Variants in IPO11 observed in about 807,000 individuals in gnomAD.
IPO11 encodes the protein importin-11.
IPO11 carries 66 observed loss-of-function variants against 143.2 expected under a neutral mutation model. That is an observed-to-expected ratio of 0.46 (90% CI 0.38 to 0.57). The LOEUF is 0.57. Among genes scored for constraint, IPO11 ranks in the 20% least tolerant of loss-of-function variants. IPO11 has a pLI of 0.00. For missense variants in IPO11, 1,026 were observed against 1,141.0 expected (o/e 0.90, Z 1.45); for synonymous variants, 385 against 377.8 (o/e 1.02, Z -0.22).
At chr5:62,613,298 C>CTTTTTTTTTT (rs372608086) in intron 29 of IPO11, among the ~76,000 whole-genome samples, 1 of 69,054 alleles carries the variant, frequency 1.4e-5, no homozygotes, top group Non-Finnish European at 2.6e-5. Context: ...ACATGCTCTT[C>CTTTTTTTTTT]TTTTTTTTTT....
At chr5:62,605,004 C>A (rs1259289210) in intron 29 of IPO11, among the ~76,000 whole-genome samples, 1 of 152,076 alleles carries the variant, frequency 6.6e-6, no homozygotes, top group East Asian at 1.9e-4. Context: ...TGAGAACTAT[C>A]CAGCAATATC....
In IPO11 at chr5:62,596,268, C is replaced by CAAAAAAAAAAAAAA. The variant is rs71608515; in HGVS notation, c.2678+4598_2678+4611dup. Among the ~76,000 whole-genome samples, 202 of 95,596 alleles carry CAAAAAAAAAAAAAA rather than the reference C, an allele frequency of 2.1e-3. 3 individuals carry two copies. Among genetic ancestry groups the CAAAAAAAAAAAAAA allele is most frequent in the East Asian group, 3.1e-3 (10 of 3,274 alleles). The allele number at this position is 95,596 out of a possible 152,430, so 62.7% of individuals were successfully genotyped here. ...TGGGTGACAGACCAAGGCCCTGTCT[C>CAAAAAAAAAAAAAA]AAAAAAAAAAAAAAAGAATTTAGCC... On this transcript the variant is annotated intron_variant, in intron 28 of 29. Transcript: ENST00000325324.
chr5:62,430,037 G>A (rs1214442365), intron 1 of IPO11, among the ~76,000 whole-genome samples: 1 of 152,232 alleles, frequency 6.6e-6, no homozygotes, highest in East Asian at 1.9e-4. Flanking sequence ...GATTATAGGC[G>A]TGAGCTGCTG....
chr5:62,584,612 C>CAAAA (rs56062359), intron 27 of IPO11, among the ~76,000 whole-genome samples: 3 of 58,632 alleles, frequency 5.1e-5, no homozygotes, highest in African/African-American at 2.1e-4. Flanking sequence ...AACTGTGCCT[C>CAAAA]AAAAAAAAAA....
At position 62,578,983 on chromosome 5, in the gene IPO11, G is replaced by A. The variant is rs1415605167; in HGVS notation, c.2583-12594G>A. The A allele has an allele frequency of 2.5e-5, 6 of 235,848 alleles. 1 individual carries two copies. The highest frequency in any genetic ancestry group is 2.5e-4 in the South Asian group (5 of 20,334). 14.6% of individuals were successfully genotyped at this position (235,848 alleles called of 1,614,324 possible). On this transcript the variant is annotated intron_variant, in intron 27 of 29. Transcript: ENST00000325324. ...GAACTTCTAGCTGACATGAAAAATA[G>A]TTCTGTGAAAAACTGTAATTTAGAA...
chr5:62,510,389 T>G (rs1421903609), intron 19 of IPO11, among the ~76,000 whole-genome samples: 2 of 152,178 alleles, frequency 1.3e-5, no homozygotes, highest in East Asian at 1.9e-4. Flanking sequence ...TTTACCACAT[T>G]TGCTTTCTTT....
intron 16 of IPO11, among the ~76,000 whole-genome samples, chr5:62,497,524 A>G (rs1371977618): frequency 6.6e-6 from 1 of 152,114 alleles, no homozygotes; most frequent in Non-Finnish European, 1.5e-5. Context: ...CTAGACTGCT[A>G]TGGTGAGGTC....
At chr5:62,556,649 A>C (rs1743585231) in intron 26 of IPO11, among the ~76,000 whole-genome samples, 1 of 152,224 alleles carries the variant, frequency 6.6e-6, no homozygotes, top group African/African-American at 2.4e-5. Context: ...CAGACTGGGC[A>C]GCAGAACAGG....
At position 62,497,537 on chromosome 5, in the gene IPO11, G is replaced by A. The variant is rs1328668818; in HGVS notation, c.1590+3413G>A. Among the ~76,000 whole-genome samples the A allele has an allele frequency of 1.3e-5, 2 of 152,060 alleles. 1 individual carries two copies. On this transcript the variant is annotated intron_variant, in intron 16 of 29. Transcript: ENST00000325324. The stretch of plus-strand genomic sequence containing the variant: ...GGCTAGACTGCTATGGTGAGGTCAC[G>A]ACTCACTGCAGCCTCAACACCCGAG...
intron 26 of IPO11, among the ~76,000 whole-genome samples, chr5:62,558,804 T>C (rs1249215402): frequency 6.6e-6 from 1 of 152,190 alleles, no homozygotes; most frequent in Non-Finnish European, 1.5e-5. Context: ...GAGAGTATTA[T>C]TACATTGTAG....
Position 62,561,205 on chromosome 5 carries a change from A to G in IPO11, c.2530A>G (p.Arg844Gly). Residue 844 changes from arginine to glycine, a missense_variant, in exon 27 of 30, where the codon AGA (arginine) becomes GGA (glycine). Arg to Gly is a moderately radical substitution (Grantham distance 125). Around this residue, in one of 5 missense-constraint regions of IPO11, gnomAD observed 351 missense variants for 358.9 expected, o/e 0.98. Coordinates refer to ENST00000325324, the MANE Select transcript of IPO11 (RefSeq NM_016338.5). The part of the protein sequence containing the change: ...DRMDNITQPE[R>G]RKLSALALLS... ...AATGGACAACATTACCCAGCCTGAA[A>G]GAAGAAAACTTTCAGCTTTGGCTTT... 1.2e-6 allele frequency: 2 copies of G among 1,610,188 alleles called. No individual in the cohort carries two copies. The highest frequency in any genetic ancestry group is 1.7e-6 in the Non-Finnish European group (2 of 1,178,042).
rs997075354 is a variant in IPO11 at position 62,624,403 on chromosome 5, C to T, written c.2764-2751C>T. 7.9e-5 allele frequency among the ~76,000 whole-genome samples: 12 copies of T among 152,090 alleles called. No homozygotes were observed. In the East Asian group the frequency reaches 9.7e-4, roughly 12 times the overall value. On this transcript the variant is annotated intron_variant, in intron 29 of 29. Coordinates refer to ENST00000325324, the MANE Select transcript of IPO11 (RefSeq NM_016338.5). ...ACCCTATACGTTACCCTACAAATAC[C>T]ACCATGGCATTTGTAAACCGTCATG...
chr5:62,487,792 A>G lies in IPO11; in HGVS notation c.1240A>G (p.Ile414Val). 1 of 1,603,566 alleles carries G rather than the reference A, an allele frequency of 6.2e-7. No individual in the cohort carries two copies. The highest frequency in any genetic ancestry group is 1.1e-5 in the South Asian group (1 of 87,850). ...CCAGCCATGCACTGAAGTATTATTT[A>G]TAGATATATTCCATGAATATAATCA... ...SLRPCTEVLF[I>V]DIFHEYNQTL... The change falls in exon 13 of 30, where the codon ATA becomes GTA. Residue 414 changes from isoleucine (I) to valine (V), a missense_variant. Around this residue, in one of 5 missense-constraint regions of IPO11, gnomAD observed 237 missense variants for 288.0 expected, o/e 0.82. Coordinates refer to ENST00000325324, the MANE Select transcript of IPO11 (RefSeq NM_016338.5).
chr5:62,475,431 A>T, intron 8 of IPO11, among the ~76,000 whole-genome samples: 1 of 152,144 alleles, frequency 6.6e-6, no homozygotes, highest in Non-Finnish European at 1.5e-5. Flanking sequence ...GGATTGATTG[A>T]GCCTGAGAGG....
chr5:62,537,817 A>T (rs193289750), intron 24 of IPO11, among the ~76,000 whole-genome samples: 1 of 152,128 alleles, frequency 6.6e-6, no homozygotes, highest in East Asian at 1.9e-4. Context: ...TCTATTAAAG[A>T]TATAAATAGT....
intron 27 of IPO11, among the ~76,000 whole-genome samples, chr5:62,571,938 G>A (rs1459774084): frequency 6.6e-6 from 1 of 152,058 alleles, no homozygotes; most frequent in Non-Finnish European, 1.5e-5. Context: ...CACCCACCTC[G>A]GCCTCCCAGA....
intron 29 of IPO11, among the ~76,000 whole-genome samples, chr5:62,619,733 G>T (rs1458949368): frequency 6.6e-6 from 1 of 151,896 alleles, no homozygotes; most frequent in Non-Finnish European, 1.5e-5. Context: ...GGCGCCTGTA[G>T]TCCCACCTAG....
intron 1 of IPO11, among the ~76,000 whole-genome samples, chr5:62,432,056 G>GA (rs1297810066): frequency 6.6e-6 from 1 of 152,026 alleles, no homozygotes; most frequent in East Asian, 1.9e-4. Context: ...CACTCAGCCC[G>GA]AAAAAACTGA....
chr5:62,449,763 A>G (rs536210263), intron 3 of IPO11, 164 bp from the exon 4 acceptor site: 107 of 465,374 alleles, frequency 2.3e-4, no homozygotes, highest in Admixed American at 1.2e-3. Context: ...TAAAGTTCAC[A>G]GTAGTGCCAA....
Sources: allele counts gnomAD v4.1 joint callset (sites outside exome capture counted in the v4.1 genomes callset), GRCh38; gene constraint gnomAD v4.1.1; regional missense constraint gnomAD v4.1.1; transcripts MANE v1.5; gene names NCBI Gene and HGNC (gene_info 2026-07-23, HGNC 2026-07-21).